SCAMP1: variants seen among roughly 807,000 people sequenced by gnomAD.
SCAMP1 encodes secretory carrier membrane protein 1.
A neutral mutation model predicts 41.8 loss-of-function variants in SCAMP1; 15 were observed. That is an observed-to-expected ratio of 0.36 (90% CI 0.24 to 0.55). SCAMP1 has a LOEUF of 0.55. SCAMP1 is among the 20% of genes least tolerant of loss of function. The pLI, the probability that SCAMP1 is intolerant of heterozygous loss-of-function variation, is 0.86. For missense variants in SCAMP1, 341 were observed against 412.6 expected (o/e 0.83, Z 1.50); for synonymous variants, 135 against 136.8 (o/e 0.99, Z 0.09).
chr5:78,469,768 C>T (rs948997248), intron 8 of SCAMP1, among the ~76,000 whole-genome samples: 3 of 151,442 alleles, frequency 2.0e-5, no homozygotes, highest in African/African-American at 7.3e-5. Context: ...GTGGTTCACA[C>T]CTGTAATTCT....
At chr5:78,394,728 C>A (rs564228417) in intron 2 of SCAMP1, among the ~76,000 whole-genome samples, 1 of 152,158 alleles carries the variant, frequency 6.6e-6, no homozygotes, top group South Asian at 2.1e-4. Flanking sequence ...GTTTTGTATT[C>A]TTGGAGCTCA....
At chr5:78,361,945 G>T (rs942822249) in intron 1 of SCAMP1, among the ~76,000 whole-genome samples, 2 of 152,184 alleles carry the variant, frequency 1.3e-5, no homozygotes, top group African/African-American at 4.8e-5. Flanking sequence ...TTAATGAAAT[G>T]ACCCTGATTA....
intron 1 of SCAMP1, among the ~76,000 whole-genome samples, chr5:78,387,659 G>T (rs1751377587): frequency 6.6e-6 from 1 of 152,146 alleles, no homozygotes; most frequent in African/African-American, 2.4e-5. Context: ...CTCCCTTGAT[G>T]TGGTGCTCCT....
At chr5:78,460,162 G>T (rs546604757) in intron 8 of SCAMP1, among the ~76,000 whole-genome samples, 1 of 152,150 alleles carries the variant, frequency 6.6e-6, no homozygotes. Flanking sequence ...ATTGATGGAC[G>T]CTTAGGTTGA....
At chr5:78,469,935 A>AAAAAAAAAAAAAAAAAAAAG (rs1753843992) in intron 8 of SCAMP1, among the ~76,000 whole-genome samples, 3 of 16,574 alleles carry the variant, frequency 1.8e-4, no homozygotes, top group Non-Finnish European at 2.5e-4. Context: ...AAAAAAAACA[A>AAAAAAAAAAAAAAAAAAAAG]CAACACAGCC....
chr5:78,409,980 C>T (rs80095877), intron 2 of SCAMP1, among the ~76,000 whole-genome samples: 1,539 of 152,124 alleles, frequency 0.01, 32 homozygotes, highest in African/African-American at 0.035. Context: ...GAAGACAGGG[C>T]TTTGGGGCGA....
At chr5:78,378,829 C>T (rs1190078501) in intron 1 of SCAMP1, among the ~76,000 whole-genome samples, 2 of 152,154 alleles carry the variant, frequency 1.3e-5, no homozygotes, top group Non-Finnish European at 2.9e-5. Flanking sequence ...TCCTCTAAGT[C>T]AACAAAATAA....
chr5:78,460,760 CCTTCCT>C, intron 8 of SCAMP1, among the ~76,000 whole-genome samples: 1 of 31,466 alleles, frequency 3.2e-5, no homozygotes, highest in Non-Finnish European at 6.3e-5. Context: ...TTCCTTCCTT[CCTTCCT>C]TCCTTCCTTC....
At chr5:78,431,860 A>G (rs1206635520) in intron 6 of SCAMP1, among the ~76,000 whole-genome samples, 1 of 152,072 alleles carries the variant, frequency 6.6e-6, no homozygotes, top group Non-Finnish European at 1.5e-5. Flanking sequence ...AGGTGTGTAT[A>G]TTTATAGGAT....
At position 78,480,233 on chromosome 5, in the gene SCAMP1, A is replaced by G. The variant is rs1754109780; in HGVS notation, c.*4565A>G. 6.6e-6 allele frequency among the ~76,000 whole-genome samples: 1 copy of G among 152,190 alleles called. No homozygotes were observed. Among genetic ancestry groups the G allele is most frequent in the Non-Finnish European group, 1.5e-5 (1 of 68,030 alleles). On this transcript the variant is annotated 3_prime_UTR_variant, in exon 9 of 9. Transcript: ENST00000621999. Reference sequence around the variant, plus strand: ...GTGTAGCTGAAACCCTCCTAACACTAAAAGCCATTTAATCTTTTCTGTAAT... The same window carrying G: ...GTGTAGCTGAAACCCTCCTAACACTGAAAGCCATTTAATCTTTTCTGTAAT...
chr5:78,400,310 A>G lies in SCAMP1; in HGVS notation c.135+11396A>G, dbSNP rs908875762. 4.6e-5 allele frequency among the ~76,000 whole-genome samples: 7 copies of G among 152,044 alleles called. No homozygotes were observed. The East Asian group carries it at 1.2e-3, about 25-fold the overall frequency. On this transcript the variant is annotated intron_variant, in intron 2 of 8. Coordinates refer to ENST00000621999, the MANE Select transcript of SCAMP1 (RefSeq NM_004866.6). ...GAACTCTAGTAGTGTCAATCTTCCA[A>G]CTTTATTCTTCTCTTTCCATATTGT...
At chr5:78,453,860 C>A (rs1183705210) in intron 7 of SCAMP1, among the ~76,000 whole-genome samples, 4 of 151,202 alleles carry the variant, frequency 2.6e-5, no homozygotes, top group Non-Finnish European at 5.9e-5. Flanking sequence ...CTTTTATTTC[C>A]TTGAGCAGTG....
At chr5:78,472,203 A>AT (rs1022330599) in intron 8 of SCAMP1, among the ~76,000 whole-genome samples, 5 of 152,040 alleles carry the variant, frequency 3.3e-5, no homozygotes, top group African/African-American at 9.7e-5. Flanking sequence ...CAACTGGTGC[A>AT]TTTTTTTAAA....
intron 6 of SCAMP1, among the ~76,000 whole-genome samples, chr5:78,429,229 A>G (rs1482160060): frequency 6.6e-6 from 1 of 151,612 alleles, no homozygotes; most frequent in Non-Finnish European, 1.5e-5. Context: ...CTTATTCCCA[A>G]TTTTAAGAGA....
chr5:78,446,533 A>G (rs1485184571), intron 6 of SCAMP1, among the ~76,000 whole-genome samples: 1 of 152,148 alleles, frequency 6.6e-6, no homozygotes, highest in Non-Finnish European at 1.5e-5. Context: ...TATATTCTTC[A>G]TTCTTTGCCA....
chr5:78,422,231 T>C (rs1384266218), intron 6 of SCAMP1, among the ~76,000 whole-genome samples: 1 of 151,672 alleles, frequency 6.6e-6, no homozygotes, highest in Non-Finnish European at 1.5e-5. Context: ...ATTTATAAAA[T>C]ATTCTCTTCC....
intron 6 of SCAMP1, among the ~76,000 whole-genome samples, chr5:78,445,899 G>A (rs1753040959): frequency 6.6e-6 from 1 of 152,198 alleles, no homozygotes; most frequent in Non-Finnish European, 1.5e-5. Context: ...AGTAAGTGCT[G>A]GGATATGGAG....
chr5:78,364,070 G>T (rs146922660), intron 1 of SCAMP1, among the ~76,000 whole-genome samples: 1 of 152,196 alleles, frequency 6.6e-6, no homozygotes, highest in Admixed American at 6.5e-5. Context: ...TTGAAGAATT[G>T]CTGTATGTCC....
intron 1 of SCAMP1, among the ~76,000 whole-genome samples, chr5:78,362,372 G>T (rs1466689689): frequency 6.6e-6 from 1 of 152,110 alleles, no homozygotes; most frequent in Admixed American, 6.5e-5. Flanking sequence ...TGGCTCTCTT[G>T]TTAGGGCAAA....
Sources: allele counts gnomAD v4.1 joint callset (sites outside exome capture counted in the v4.1 genomes callset), GRCh38; gene constraint gnomAD v4.1.1; transcripts MANE v1.5; gene names NCBI Gene and HGNC (gene_info 2026-07-23, HGNC 2026-07-21).